Variants in SCN1A observed in about 807,000 individuals in gnomAD.
SCN1A encodes the protein sodium voltage-gated channel alpha subunit 1.
Under a neutral mutation model 193.7 loss-of-function variants are expected in SCN1A, and 13 were observed. The observed-to-expected ratio is 0.07, with a 90% CI of 0.04 to 0.11. SCN1A has a LOEUF of 0.11. SCN1A is among the 10% of genes least tolerant of loss of function. The pLI, the probability that SCN1A is intolerant of heterozygous loss-of-function variation, is 1.00. For synonymous variants in SCN1A, 781 were observed against 843.6 expected (o/e 0.93, Z 1.29); for missense variants, 1,432 against 2,451.1 (o/e 0.58, Z 8.78).
chr2:166,077,334 A>T (rs1174072846), intron 3 of SCN1A, among the ~76,000 whole-genome samples: 1 of 151,904 alleles, frequency 6.6e-6, no homozygotes, highest in Non-Finnish European at 1.5e-5. Context: ...CTGTTACCCC[A>T]AACATGCAAA....
intron 1 of SCN1A, among the ~76,000 whole-genome samples, chr2:166,127,476 G>A (rs1691379708): frequency 6.6e-6 from 1 of 152,096 alleles, no homozygotes; most frequent in Non-Finnish European, 1.5e-5. Flanking sequence ...ATGAAGGCAA[G>A]CAAAGGCAAG....
intron 2 of SCN1A, among the ~76,000 whole-genome samples, chr2:166,090,483 C>A (rs1344783215): frequency 6.6e-6 from 1 of 152,142 alleles, no homozygotes; most frequent in Admixed American, 6.5e-5. Flanking sequence ...TTTAATCTTA[C>A]AAGTGATGCA....
intron 2 of SCN1A, among the ~76,000 whole-genome samples, chr2:166,102,342 A>C (rs2106149527): frequency 6.6e-6 from 1 of 152,048 alleles, no homozygotes; most frequent in Non-Finnish European, 1.5e-5. Context: ...TAAAAATACA[A>C]AAAATTAGCC....
At position 165,990,508 on chromosome 2, in the gene SCN1A, C is replaced by G. The variant is rs1255074059; in HGVS notation, c.*737G>C. The G allele has an allele frequency of 1.3e-5, 2 of 152,496 alleles. No individual in the cohort carries two copies. The highest frequency in any genetic ancestry group is 1.3e-4 in the Admixed American group (2 of 15,254). 9.4% of individuals were successfully genotyped at this position (152,496 alleles called of 1,614,324 possible). A position where few individuals can be genotyped will look rare whatever the true frequency, so the allele number is the denominator to read the frequency against. On this transcript the variant is annotated 3_prime_UTR_variant, in exon 29 of 29. Coordinates refer to ENST00000674923, the MANE Select transcript of SCN1A (RefSeq NM_001165963.4). ...TGAAGTTTGCACCTGCTAAGATTTACTGGCCTACCCACAAATAATCTACTT... is the reference window on the plus strand; with the variant it reads ...TGAAGTTTGCACCTGCTAAGATTTAGTGGCCTACCCACAAATAATCTACTT...
chr2:165,991,179 A>C lies in SCN1A; in HGVS notation c.*66T>G, dbSNP rs1689072243. The C allele has an allele frequency of 6.9e-7, 1 of 1,441,478 alleles. No homozygotes were observed. Among genetic ancestry groups the C allele is most frequent in the South Asian group, 1.2e-5 (1 of 81,376 alleles). The allele number at this position is 1,441,478 out of a possible 1,614,324, so 89.3% of individuals were successfully genotyped here. A position where few individuals can be genotyped will look rare whatever the true frequency, so the allele number is the denominator to read the frequency against. On this transcript the variant is annotated 3_prime_UTR_variant, in exon 29 of 29. Transcript: ENST00000674923. ...TTGACCTCCTAAAGGAGTCCTGTTG[A>C]TAAAAATACATCACCTTCACAGGCT...
At chr2:166,032,051 T>A (rs1043204794) in intron 19 of SCN1A, among the ~76,000 whole-genome samples, 1 of 152,036 alleles carries the variant, frequency 6.6e-6, no homozygotes, top group Non-Finnish European at 1.5e-5. Context: ...ATTATAATGA[T>A]GCATTGTAGA....
intron 2 of SCN1A, among the ~76,000 whole-genome samples, chr2:166,116,962 A>G (rs1027458799): frequency 2.6e-5 from 4 of 152,196 alleles, no homozygotes; most frequent in Non-Finnish European, 5.9e-5. Context: ...TCATCTGTTA[A>G]TATTACCACT....
intron 10 of SCN1A, 126 bp from the exon 11 acceptor site, chr2:166,047,894 C>T: frequency 7.8e-7 from 1 of 1,287,868 alleles, no homozygotes; most frequent in Non-Finnish European, 1.1e-6. Flanking sequence ...AAATAAGTAA[C>T]TAATCTATTT....
At chr2:166,044,893 C>G in intron 13 of SCN1A, 150 bp downstream of exon 13, 2 of 827,094 alleles carry the variant, frequency 2.4e-6, no homozygotes, top group Admixed American at 4.6e-5. Flanking sequence ...AAAGTTTTTG[C>G]ATAACTATGT....
chr2:166,050,107 A>G (rs1251319579), intron 9 of SCN1A, among the ~76,000 whole-genome samples: 1 of 151,972 alleles, frequency 6.6e-6, no homozygotes, highest in African/African-American at 2.4e-5. Flanking sequence ...AGTATTTCCT[A>G]ACTTTCAATT....
chr2:166,050,142 A>G (rs1329417803), intron 9 of SCN1A, among the ~76,000 whole-genome samples: 4 of 152,012 alleles, frequency 2.6e-5, no homozygotes, highest in East Asian at 1.9e-4. Context: ...AGAAAGGACT[A>G]TAATAGTTTC....
intron 4 of SCN1A, among the ~76,000 whole-genome samples, chr2:166,069,365 T>A (rs1270330970): frequency 6.6e-6 from 1 of 152,232 alleles, no homozygotes; most frequent in East Asian, 1.9e-4. Context: ...TAGTTACTAC[T>A]ACAATATTAC....
chr2:166,085,681 C>T (rs1229882630), intron 2 of SCN1A, among the ~76,000 whole-genome samples: 1 of 152,052 alleles, frequency 6.6e-6, no homozygotes. Flanking sequence ...GAATGAGTAT[C>T]AGGTGTTTGA....
intron 1 of SCN1A, among the ~76,000 whole-genome samples, chr2:166,140,399 T>C (rs770556537): frequency 8.5e-5 from 13 of 152,148 alleles, no homozygotes; most frequent in Non-Finnish European, 1.6e-4. Context: ...AAGATAGTTT[T>C]TAGGTGTATG....
intron 19 of SCN1A, among the ~76,000 whole-genome samples, chr2:166,030,993 AT>A (rs2105759463): frequency 6.6e-6 from 1 of 152,246 alleles, no homozygotes; most frequent in African/African-American, 2.4e-5. Flanking sequence ...TTAATGTTCA[AT>A]AAAAATTCAT....
chr2:166,084,075 G>A (rs756438173), intron 2 of SCN1A, among the ~76,000 whole-genome samples: 13 of 152,070 alleles, frequency 8.5e-5, no homozygotes, highest in Non-Finnish European at 1.3e-4. Context: ...CAATGAGAGA[G>A]GCACTGCCTA....
chr2:166,147,659 GA>G (rs1174756962), intron 1 of SCN1A, among the ~76,000 whole-genome samples: 1 of 152,098 alleles, frequency 6.6e-6, no homozygotes, highest in African/African-American at 2.4e-5. Flanking sequence ...TATGTCTAGG[GA>G]AAATGCCTAT....
At chr2:166,132,154 G>A (rs1017322681), upstream of SCN1A, among the ~76,000 whole-genome samples, 6 of 152,168 alleles carry the variant, frequency 3.9e-5, no homozygotes, top group African/African-American at 1.4e-4. Context: ...CAGGTCTTCT[G>A]ATGAAGTCGG....
At chr2:166,056,293 A>C in intron 6 of SCN1A, 118 bp downstream of exon 6, 1 of 717,474 alleles carries the variant, frequency 1.4e-6, no homozygotes, top group Non-Finnish European at 2.5e-6. Flanking sequence ...TTGCTGCGTA[A>C]TTTTGTCTAG....
Sources: gnomAD v4.1 joint callset for allele counts (sites outside exome capture counted in the v4.1 genomes callset) on GRCh38, gnomAD v4.1.1 for gene constraint, MANE v1.5 for transcripts, NCBI Gene and HGNC (gene_info 2026-07-23, HGNC 2026-07-21) for gene names.